Variants in MCTP2 observed in about 807,000 individuals in gnomAD.
MCTP2 encodes multiple C2 and transmembrane domain containing 2, also known as multiple C2 and transmembrane domain-containing protein 2.
A neutral mutation model predicts 111.6 loss-of-function variants in MCTP2; 132 were observed. The ratio of observed to expected loss-of-function variants is 1.18; its 90% CI spans 1.03 to 1.37. The LOEUF (loss-of-function observed/expected upper bound fraction) is 1.37, where lower values mean the gene tolerates loss of function less well. Among genes scored for constraint, MCTP2 ranks in the 40% most tolerant of loss-of-function variants. MCTP2 has a pLI of 0.00. For synonymous variants in MCTP2, 395 were observed against 387.7 expected (o/e 1.02, Z -0.22); for missense variants, 1,183 against 1,067.9 (o/e 1.11, Z -1.50).
intron 4 of MCTP2, among the ~76,000 whole-genome samples, chr15:94,328,383 C>T (rs1458816769): frequency 7.2e-5 from 11 of 152,158 alleles, no homozygotes; most frequent in Admixed American, 1.3e-4. Flanking sequence ...CCGCCTTGGC[C>T]TCCCAAAGTG....
At chr15:94,295,771 T>C (rs1281150558) in intron 1 of MCTP2, among the ~76,000 whole-genome samples, 4 of 152,166 alleles carry the variant, frequency 2.6e-5, no homozygotes, top group African/African-American at 9.7e-5. Context: ...AAAAAATAGC[T>C]GGGCATGGTG....
At chr15:94,243,122 T>C (rs114099611) in intron 1 of MCTP2, among the ~76,000 whole-genome samples, 1 of 64,812 alleles carries the variant, frequency 1.5e-5, no homozygotes, top group Non-Finnish European at 3.6e-5. Context: ...TGTGTATATA[T>C]GTATCTACGG....
At chr15:94,382,130 A>G (rs911646737) in intron 12 of MCTP2, among the ~76,000 whole-genome samples, 2 of 152,226 alleles carry the variant, frequency 1.3e-5, no homozygotes, top group Non-Finnish European at 2.9e-5. Context: ...GAGGCAAAGA[A>G]GCAGGAGTAG....
At chr15:94,286,077 G>A (rs2074740203) in intron 1 of MCTP2, among the ~76,000 whole-genome samples, 1 of 152,150 alleles carries the variant, frequency 6.6e-6, no homozygotes, top group Non-Finnish European at 1.5e-5. Context: ...TGGAAGAAAA[G>A]AGCCAAATTT....
At chr15:94,302,194 A>G (rs2075648164) in intron 2 of MCTP2, among the ~76,000 whole-genome samples, 1 of 152,130 alleles carries the variant, frequency 6.6e-6, no homozygotes, top group South Asian at 2.1e-4. Context: ...CAGTTGAGAT[A>G]AGTGGGGAGA....
rs1307843847 is a variant in MCTP2, at chr15:94,481,585, T to TGAA, written c.*2552_*2554dup. 1 of 152,288 alleles carries TGAA rather than the reference T, an allele frequency of 6.6e-6. No individual in the cohort carries two copies. The highest frequency in any genetic ancestry group is 1.9e-4 in the East Asian group (1 of 5,204). The allele number at this position is 152,288 out of a possible 1,614,324, so 9.4% of individuals were successfully genotyped here. A position where few individuals can be genotyped will look rare whatever the true frequency, so the allele number is the denominator to read the frequency against. On this transcript the variant is annotated 3_prime_UTR_variant, in exon 23 of 23. Coordinates refer to ENST00000357742, the MANE Select transcript of MCTP2 (RefSeq NM_001385001.1). ...GGACCTGCCCCCAGTTGTTTCTTTC[T>TGAA]GAATAGATTCTACTCTCCTTCAACA... is the stretch of plus-strand genomic sequence containing the variant.
intron 17 of MCTP2, among the ~76,000 whole-genome samples, chr15:94,433,968 T>G (rs1219922016): frequency 6.6e-6 from 1 of 152,226 alleles, no homozygotes; most frequent in Non-Finnish European, 1.5e-5. Context: ...TTGTAATAAT[T>G]TTTTATCTTC....
At chr15:94,378,652 T>C (rs1399341039) in intron 12 of MCTP2, among the ~76,000 whole-genome samples, 1 of 152,224 alleles carries the variant, frequency 6.6e-6, no homozygotes, top group Non-Finnish European at 1.5e-5. Context: ...AAGTCCTATT[T>C]TTCCTTTACT....
chr15:94,383,892 T>C (rs1220167793), intron 12 of MCTP2, 130 bp from the exon 13 acceptor site: 1 of 669,344 alleles, frequency 1.5e-6, no homozygotes. Flanking sequence ...AGGGCCTCCA[T>C]GACTCATTGG....
intron 1 of MCTP2, among the ~76,000 whole-genome samples, chr15:94,239,478 ACTT>A (rs1336827416): frequency 1.3e-5 from 2 of 152,168 alleles, no homozygotes; most frequent in Non-Finnish European, 2.9e-5. Flanking sequence ...TCACTTGAAG[ACTT>A]CTTGTTTGTT....
At chr15:94,264,242 C>G (rs916985562) in intron 1 of MCTP2, among the ~76,000 whole-genome samples, 4 of 152,166 alleles carry the variant, frequency 2.6e-5, no homozygotes, top group African/African-American at 9.7e-5. Context: ...AAATCCTGCT[C>G]TATCACTTAC....
At chr15:94,239,675 C>G (rs2070798912) in intron 1 of MCTP2, among the ~76,000 whole-genome samples, 1 of 152,210 alleles carries the variant, frequency 6.6e-6, no homozygotes, top group Non-Finnish European at 1.5e-5. Context: ...TAGAATTTAT[C>G]TGACATTTCT....
At chr15:94,341,186 T>G in intron 7 of MCTP2, 1 of 384,580 alleles carries the variant, frequency 2.6e-6, no homozygotes, top group Non-Finnish European at 4.8e-6. Context: ...TTTGGTTTCT[T>G]CTTTCTTCTT....
At chr15:94,241,085 C>T (rs1292500961) in intron 1 of MCTP2, among the ~76,000 whole-genome samples, 1 of 152,100 alleles carries the variant, frequency 6.6e-6, no homozygotes, top group Non-Finnish European at 1.5e-5. Context: ...GGTTACTTCT[C>T]TGAATACTCC....
intron 1 of MCTP2, among the ~76,000 whole-genome samples, chr15:94,242,749 C>G (rs2071069590): frequency 6.6e-6 from 1 of 151,056 alleles, no homozygotes; most frequent in Non-Finnish European, 1.5e-5. Context: ...GCATTTTTAA[C>G]TAAGTTTTGA....
chr15:94,367,603 A>G lies in MCTP2; in HGVS notation c.1302-2A>G. The G allele has an allele frequency of 6.2e-7, 1 of 1,604,062 alleles. No homozygotes were observed. The highest frequency in any genetic ancestry group is 8.5e-7 in the Non-Finnish European group (1 of 1,175,852). On this transcript the variant is annotated splice_acceptor_variant, in intron 10 of 22. Coordinates refer to ENST00000357742, the MANE Select transcript of MCTP2 (RefSeq NM_001385001.1). LOFTEE classifies it high-confidence loss of function. ...CTCTCTTGATTCCTGAAACTTTTCT[A>G]GGTGTAAAGTGGATATCTCGGCACT...
intron 1 of MCTP2, among the ~76,000 whole-genome samples, chr15:94,241,411 C>G (rs2070946073): frequency 6.6e-6 from 1 of 152,078 alleles, no homozygotes; most frequent in Non-Finnish European, 1.5e-5. Flanking sequence ...CTGACCAATT[C>G]TGGATGTCTT....
At chr15:94,234,039 T>C (rs2070373369) in intron 1 of MCTP2, among the ~76,000 whole-genome samples, 1 of 152,140 alleles carries the variant, frequency 6.6e-6, no homozygotes, top group Admixed American at 6.5e-5. Context: ...ATTTTTTTTT[T>C]CCCTCTATCT....
In MCTP2 at chr15:94,458,175, G is replaced by A. The variant is rs1042913110; in HGVS notation, c.2289G>A (p.Met763Ile). 1 of 1,611,984 alleles carries A rather than the reference G, an allele frequency of 6.2e-7. No individual in the cohort carries two copies. The highest frequency in any genetic ancestry group is 8.5e-7 in the Non-Finnish European group (1 of 1,178,128). Residue 763 changes from methionine (M) to isoleucine (I), a missense_variant, in exon 20 of 23, where the codon ATG becomes ATA. By Grantham distance (10) the Met-to-Ile change is conservative. Coordinates refer to ENST00000357742, the MANE Select transcript of MCTP2 (RefSeq NM_001385001.1). The stretch of plus-strand genomic sequence containing the variant: ...AGGGGTTGATTGAAAGAATCTATAT[G>A]GTACAGGATATTGTTTCAACTGTTC... ...EKKGLIERIY[M>I]VQDIVSTVQN...
Sources: gnomAD v4.1 joint callset for allele counts (sites outside exome capture counted in the v4.1 genomes callset) on GRCh38, gnomAD v4.1.1 for gene constraint, MANE v1.5 for transcripts, NCBI Gene and HGNC (gene_info 2026-07-23, HGNC 2026-07-21) for gene names.